The following HSF2BP variants were observed in gnomAD, a reference collection of about 807,000 sequenced individuals.
HSF2BP encodes heat shock factor 2-binding protein.
In HSF2BP, 35 loss-of-function variants were observed where a neutral mutation model predicts 35.0. The observed-to-expected ratio is 1.00, with a 90% CI of 0.76 to 1.32. The LOEUF (loss-of-function observed/expected upper bound fraction) is 1.32. Ranked by LOEUF, HSF2BP falls within the 40% of genes most tolerant of loss-of-function variation. The pLI is 0.00. For missense variants in HSF2BP, 326 were observed against 321.7 expected (o/e 1.01, Z -0.10); for synonymous variants, 114 against 117.4 (o/e 0.97, Z 0.18).
intron 3 of HSF2BP, among the ~76,000 whole-genome samples, chr21:43,655,725 C>G (rs2082858221): frequency 6.6e-6 from 1 of 152,202 alleles, no homozygotes; most frequent in African/African-American, 2.4e-5. Context: ...CCAGAGCACA[C>G]CACAGGGCAG....
At chr21:43,644,472 CT>C in intron 3 of HSF2BP, 80 bp from the exon 4 acceptor site, 1 of 1,108,032 alleles carries the variant, frequency 9.0e-7, no homozygotes, top group Non-Finnish European at 1.4e-6. Flanking sequence ...CCAGTCTTGA[CT>C]TAGTAAAATG....
chr21:43,626,495 G>A (rs371818908), intron 6 of HSF2BP, among the ~76,000 whole-genome samples: 2 of 152,148 alleles, frequency 1.3e-5, no homozygotes, highest in East Asian at 1.9e-4. Context: ...AAATAATTAA[G>A]ACCAAACTGC....
chr21:43,571,769 A>G (rs1283410155), intron 8 of HSF2BP, among the ~76,000 whole-genome samples: 1 of 122,298 alleles, frequency 8.2e-6, no homozygotes, highest in Non-Finnish European at 1.7e-5. Context: ...CAATGTGAGG[A>G]GTGTGAACAG....
chr21:43,582,428 CGGGAGATGAGTACCTGT>C, intron 8 of HSF2BP, among the ~76,000 whole-genome samples: 1 of 121,736 alleles, frequency 8.2e-6, no homozygotes, highest in East Asian at 2.7e-4. Flanking sequence ...GGGCCTGTTG[CGGGAGATGAGTACCTGT>C]TGAGGGAGAT....
intron 7 of HSF2BP, among the ~76,000 whole-genome samples, chr21:43,600,859 C>G (rs958157117): frequency 1.3e-5 from 2 of 152,184 alleles, no homozygotes; most frequent in African/African-American, 4.8e-5. Flanking sequence ...TTTAAACTAG[C>G]CACGCATTGC....
chr21:43,636,666 C>T (rs1326044872), intron 4 of HSF2BP, among the ~76,000 whole-genome samples: 1 of 151,890 alleles, frequency 6.6e-6, no homozygotes, highest in Non-Finnish European at 1.5e-5. Flanking sequence ...CCGAGGCAGG[C>T]GGATCACTTG....
intron 4 of HSF2BP, among the ~76,000 whole-genome samples, chr21:43,637,446 TA>T (rs1210716100): frequency 1.3e-5 from 2 of 151,784 alleles, no homozygotes; most frequent in Non-Finnish European, 2.9e-5. Flanking sequence ...GGAAATGTTC[TA>T]AAAGTTGATT....
At chr21:43,576,774 A>T (rs1043444295) in intron 8 of HSF2BP, among the ~76,000 whole-genome samples, 23 of 152,214 alleles carry the variant, frequency 1.5e-4, no homozygotes, top group Admixed American at 1.2e-3. Flanking sequence ...CTTTCACTGA[A>T]CATTATTTGA....
At chr21:43,618,302 G>T (rs997998206) in intron 6 of HSF2BP, among the ~76,000 whole-genome samples, 2 of 152,020 alleles carry the variant, frequency 1.3e-5, no homozygotes, top group African/African-American at 4.8e-5. Flanking sequence ...TGCTGAAAAG[G>T]ATATACAGAG....
At chr21:43,647,120 C>T (rs576037455) in intron 3 of HSF2BP, among the ~76,000 whole-genome samples, 1 of 152,248 alleles carries the variant, frequency 6.6e-6, no homozygotes, top group South Asian at 2.1e-4. Context: ...CATTCTCATA[C>T]AATAAGAATA....
Position 43,577,119 on chromosome 21 carries a change from G to C in HSF2BP, c.796+15106C>G, listed in dbSNP as rs180674363. 8.1e-4 allele frequency among the ~76,000 whole-genome samples: 123 copies of C among 152,202 alleles called. No individual in the cohort carries two copies. In the East Asian group the frequency reaches 0.011, roughly 14 times the overall value. ...TTGGCACTCCACCACCCCATCCCTCGACCTCCACTTCTCAACCACATGCAG... is the reference window on the plus strand; with the variant it reads ...TTGGCACTCCACCACCCCATCCCTCCACCTCCACTTCTCAACCACATGCAG... On this transcript the variant is annotated intron_variant, in intron 8 of 8. Transcript: ENST00000291560.
At chr21:43,632,776 G>C (rs2082498324) in intron 5 of HSF2BP, among the ~76,000 whole-genome samples, 1 of 152,194 alleles carries the variant, frequency 6.6e-6, no homozygotes, top group Non-Finnish European at 1.5e-5. Context: ...AAGGCTTCCA[G>C]CCAACAGTAG....
chr21:43,588,571 T>A (rs913167856), intron 8 of HSF2BP, among the ~76,000 whole-genome samples: 7 of 152,142 alleles, frequency 4.6e-5, no homozygotes, highest in African/African-American at 1.7e-4. Context: ...CATGCCTCAG[T>A]TTCTTCATCT....
intron 8 of HSF2BP, among the ~76,000 whole-genome samples, chr21:43,581,966 G>A (rs1170267425): frequency 7.8e-6 from 1 of 128,406 alleles, no homozygotes; most frequent in East Asian, 2.4e-4. Context: ...GGGAGATGAG[G>A]GCCTGCTGTG....
chr21:43,575,405 A>G (rs951150104), intron 8 of HSF2BP, among the ~76,000 whole-genome samples: 1 of 152,222 alleles, frequency 6.6e-6, no homozygotes, highest in African/African-American at 2.4e-5. Flanking sequence ...CTCCCTTTAA[A>G]AACTTGAGAA....
chr21:43,601,905 T>C (rs907531724), intron 7 of HSF2BP, among the ~76,000 whole-genome samples: 1 of 152,208 alleles, frequency 6.6e-6, no homozygotes, highest in Admixed American at 6.5e-5. Flanking sequence ...AACTTTCCTA[T>C]CTAGAGTTAC....
chr21:43,600,029 G>A (rs752942005), intron 7 of HSF2BP, among the ~76,000 whole-genome samples: 2 of 152,068 alleles, frequency 1.3e-5, no homozygotes, highest in South Asian at 4.2e-4. Context: ...TGAAAATATG[G>A]CTAAAATAAA....
intron 6 of HSF2BP, among the ~76,000 whole-genome samples, chr21:43,621,193 G>A (rs1286714659): frequency 1.3e-5 from 2 of 152,186 alleles, no homozygotes; most frequent in East Asian, 3.9e-4. Context: ...AAGTAACAAA[G>A]GAACTCCAAT....
chr21:43,656,641 T>C lies in HSF2BP; in HGVS notation c.133A>G (p.Ile45Val), dbSNP rs1407642854. 6.2e-7 allele frequency: 1 copy of C among 1,614,036 alleles called. No homozygotes were observed. The highest frequency in any genetic ancestry group is 1.3e-5 in the African/African-American group (1 of 75,060). Residue 45 changes from isoleucine (I) to valine (V), a missense_variant, in exon 3 of 9, where the codon ATA (isoleucine) becomes GTA (valine). Transcript: ENST00000291560. ...CTCTCCAGCACCTCCCCATTTAGTA[T>C]TCTGGGTAAGAAGTCCCGTATTTGC... ...VMQIRDFLPR[I>V]LNGEVLESFQ...
Sources: allele counts gnomAD v4.1 joint callset (sites outside exome capture counted in the v4.1 genomes callset), GRCh38; gene constraint gnomAD v4.1.1; transcripts MANE v1.5; gene names NCBI Gene and HGNC (gene_info 2026-07-23, HGNC 2026-07-21).